The following STXBP5L variants were observed in gnomAD, a reference collection of about 807,000 sequenced individuals.
STXBP5L encodes syntaxin binding protein 5L, also known as syntaxin-binding protein 5-like.
A neutral mutation model predicts 144.5 loss-of-function variants in STXBP5L; 65 were observed. That is an observed-to-expected ratio of 0.45 (90% CI 0.37 to 0.55). The LOEUF (loss-of-function observed/expected upper bound fraction) is 0.55. Ranked by LOEUF, STXBP5L falls within the 20% of genes least tolerant of loss-of-function variation. The pLI, the probability that STXBP5L is intolerant of heterozygous loss-of-function variation, is 0.00. For missense variants in STXBP5L, 1,298 were observed against 1,405.5 expected, an observed-to-expected ratio of 0.92 and a Z score of 1.22; for synonymous variants, 505 against 469.6, an observed-to-expected ratio of 1.08 and a Z score of -0.97.
intron 7 of STXBP5L, among the ~76,000 whole-genome samples, chr3:121,143,299 A>G (rs966105662): frequency 3.3e-5 from 5 of 151,506 alleles, no homozygotes; most frequent in Non-Finnish European, 7.4e-5. Flanking sequence ...AAATTAAAAA[A>G]AAAAAAACAA....
chr3:120,935,618 A>C (rs940799510), intron 2 of STXBP5L, among the ~76,000 whole-genome samples: 1 of 152,026 alleles, frequency 6.6e-6, no homozygotes, highest in African/African-American at 2.4e-5. Context: ...TCCCTTTTGA[A>C]GAATAATTTT....
chr3:121,369,882 C>T (rs2045978884), intron 20 of STXBP5L, among the ~76,000 whole-genome samples: 1 of 152,122 alleles, frequency 6.6e-6, no homozygotes. Context: ...GAATGTTAGC[C>T]TCTCTAGCTA....
chr3:121,275,396 T>C (rs989931794), intron 18 of STXBP5L, among the ~76,000 whole-genome samples: 2 of 152,168 alleles, frequency 1.3e-5, no homozygotes, highest in African/African-American at 4.8e-5. Context: ...TCAATTTACT[T>C]AAGTCTTCTT....
chr3:121,325,142 GA>G (rs533635107), intron 20 of STXBP5L, among the ~76,000 whole-genome samples: 1 of 151,564 alleles, frequency 6.6e-6, no homozygotes, highest in East Asian at 1.9e-4. Flanking sequence ...GTGTTAAAAA[GA>G]AAAAAAACAC....
chr3:121,408,690 G>A (rs2047050645), intron 23 of STXBP5L, among the ~76,000 whole-genome samples: 1 of 151,902 alleles, frequency 6.6e-6, no homozygotes, highest in Admixed American at 6.6e-5. Context: ...TAGGAAATGG[G>A]GTTTTAAGCA....
rs1385668957 is a variant in STXBP5L at position 121,279,884 on chromosome 3, G to A, written c.2038G>A (p.Asp680Asn). The A allele has an allele frequency of 6.2e-7, 1 of 1,612,548 alleles. No homozygotes were observed. Among genetic ancestry groups the A allele is most frequent in the East Asian group, 2.2e-5 (1 of 44,826 alleles). The change falls in exon 19 of 27, where the codon GAC becomes AAC. Residue 680 changes from aspartate to asparagine, a missense_variant. Coordinates refer to ENST00000471454, the MANE Select transcript of STXBP5L (RefSeq NM_001308330.2). ...AGTACTGTTAAGCATGGGGACCATT[G>A]ACCTATATAGATCAAGTGACTTATA... is the stretch of plus-strand genomic sequence containing the variant. ...KTVLLSMGTI[D>N]LYRSSDLYQR...
intron 20 of STXBP5L, among the ~76,000 whole-genome samples, chr3:121,347,857 G>T (rs2045070041): frequency 6.6e-6 from 1 of 152,146 alleles, no homozygotes; most frequent in South Asian, 2.1e-4. Flanking sequence ...GAGATTTTGG[G>T]TTGAGACGAT....
intron 19 of STXBP5L, among the ~76,000 whole-genome samples, chr3:121,316,820 C>T (rs572858917): frequency 4.6e-5 from 7 of 152,308 alleles, no homozygotes; most frequent in African/African-American, 1.4e-4. Flanking sequence ...ACTCACTAGT[C>T]ATTACAGTTC....
chr3:121,008,743 T>G (rs922062506), intron 3 of STXBP5L, among the ~76,000 whole-genome samples: 3 of 152,024 alleles, frequency 2.0e-5, no homozygotes, highest in Non-Finnish European at 2.9e-5. Context: ...TTCATCTCCT[T>G]CATTGTCAAC....
At chr3:121,101,455 T>A (rs1017301792) in intron 5 of STXBP5L, among the ~76,000 whole-genome samples, 4 of 151,780 alleles carry the variant, frequency 2.6e-5, no homozygotes, top group African/African-American at 9.7e-5. Context: ...AATCAATAAA[T>A]CACAACATAA....
At chr3:121,091,994 G>T (rs2107737220) in intron 5 of STXBP5L, among the ~76,000 whole-genome samples, 1 of 152,116 alleles carries the variant, frequency 6.6e-6, no homozygotes, top group African/African-American at 2.4e-5. Flanking sequence ...TTCTACATAT[G>T]GCTAGCCTGT....
chr3:121,268,023 A>C (rs143835129), intron 18 of STXBP5L, among the ~76,000 whole-genome samples: 1 of 152,332 alleles, frequency 6.6e-6, no homozygotes, highest in African/African-American at 2.4e-5. Flanking sequence ...ATCTCAAACC[A>C]GAAATATTAT....
At chr3:120,958,850 AG>A (rs1249616719) in intron 3 of STXBP5L, among the ~76,000 whole-genome samples, 3 of 152,242 alleles carry the variant, frequency 2.0e-5, no homozygotes, top group Non-Finnish European at 4.4e-5. Flanking sequence ...GGCACAAGAC[AG>A]GGATGCCCTC....
chr3:121,172,857 T>C (rs2046780578), intron 9 of STXBP5L, among the ~76,000 whole-genome samples: 2 of 152,150 alleles, frequency 1.3e-5, no homozygotes, highest in South Asian at 4.1e-4. Context: ...TTTAAATCAT[T>C]CTACTATAAA....
intron 2 of STXBP5L, among the ~76,000 whole-genome samples, chr3:120,932,476 G>C (rs574803549): frequency 1.3e-5 from 2 of 152,018 alleles, no homozygotes; most frequent in African/African-American, 4.8e-5. Flanking sequence ...CCAGCAAATC[G>C]CTTTAGTATT....
At chr3:121,196,904 A>G (rs537652305) in intron 9 of STXBP5L, among the ~76,000 whole-genome samples, 1 of 152,202 alleles carries the variant, frequency 6.6e-6, no homozygotes, top group East Asian at 1.9e-4. Context: ...TCTGGTCTCA[A>G]TACCCTGGAC....
At chr3:121,018,166 C>A (rs775036109) in intron 3 of STXBP5L, among the ~76,000 whole-genome samples, 6 of 152,148 alleles carry the variant, frequency 3.9e-5, no homozygotes, top group Non-Finnish European at 8.8e-5. Flanking sequence ...TTCTTTCCAA[C>A]TTGATCTATA....
intron 3 of STXBP5L, among the ~76,000 whole-genome samples, chr3:120,991,829 G>T (rs1430407278): frequency 1.3e-5 from 2 of 148,426 alleles, no homozygotes; most frequent in African/African-American, 2.5e-5. Context: ...GGGCAGGGGG[G>T]AGGGATAGCA....
chr3:121,381,225 A>G (rs1464489562), intron 21 of STXBP5L, 68 bp from the exon 22 acceptor site: 9 of 1,436,542 alleles, frequency 6.3e-6, no homozygotes, highest in Non-Finnish European at 8.5e-6. Context: ...ATTTATATAT[A>G]TTAAATCTGA....
Sources: allele counts gnomAD v4.1 joint callset (sites outside exome capture counted in the v4.1 genomes callset), GRCh38; gene constraint gnomAD v4.1.1; transcripts MANE v1.5; gene names NCBI Gene and HGNC (gene_info 2026-07-23, HGNC 2026-07-21).